The following CYRIA variants were observed in gnomAD, a reference collection of about 807,000 sequenced individuals.
CYRIA encodes CYFIP related Rac1 interactor A.
A neutral mutation model predicts 43.9 loss-of-function variants in CYRIA; 15 were observed. The observed-to-expected ratio is 0.34, with a 90% CI of 0.23 to 0.53. The LOEUF is 0.53. CYRIA is among the 20% of genes least tolerant of loss of function. The pLI is 0.94. For synonymous variants in CYRIA, 117 were observed against 136.0 expected (o/e 0.86, Z 0.97); for missense variants, 236 against 394.2 (o/e 0.60, Z 3.40).
intron 2 of CYRIA, among the ~76,000 whole-genome samples, chr2:16,615,739 C>G (rs1484987360): frequency 6.6e-6 from 1 of 152,246 alleles, no homozygotes; most frequent in Non-Finnish European, 1.5e-5. Context: ...AAATGCAATG[C>G]AAAAGCAGAG....
At chr2:16,626,410 A>T (rs569192474) in intron 1 of CYRIA, among the ~76,000 whole-genome samples, 1 of 152,250 alleles carries the variant, frequency 6.6e-6, no homozygotes, top group Admixed American at 6.5e-5. Flanking sequence ...TCCATGGACT[A>T]GCATTCAGTT....
At chr2:16,599,696 G>C (rs542581349) in intron 2 of CYRIA, among the ~76,000 whole-genome samples, 1 of 151,218 alleles carries the variant, frequency 6.6e-6, no homozygotes, top group African/African-American at 2.4e-5. Flanking sequence ...CGTCTTCTGC[G>C]TCACTCACGC....
intron 2 of CYRIA, among the ~76,000 whole-genome samples, chr2:16,607,881 G>A (rs1668463153): frequency 1.3e-5 from 2 of 152,180 alleles, no homozygotes; most frequent in South Asian, 2.1e-4. Context: ...ACAGGTGTGA[G>A]CCAGAGTGCC....
chr2:16,628,387 A>G, intron 1 of CYRIA, among the ~76,000 whole-genome samples: 1 of 152,106 alleles, frequency 6.6e-6, no homozygotes, highest in African/African-American at 2.4e-5. Context: ...CCCTGATCTC[A>G]CCTCAAAGCC....
intron 7 of CYRIA, 36 bp from the exon 8 acceptor site, chr2:16,561,313 G>T (rs761697957): frequency 6.5e-7 from 1 of 1,545,604 alleles, no homozygotes; most frequent in Non-Finnish European, 8.9e-7. Flanking sequence ...GATTTATAAA[G>T]AGAAAGTCCA....
chr2:16,665,067 C>T (rs1193634622), intron 1 of CYRIA, among the ~76,000 whole-genome samples: 2 of 152,178 alleles, frequency 1.3e-5, no homozygotes, highest in Non-Finnish European at 2.9e-5. Context: ...GACCCAGGGA[C>T]GGGCTGGCCC....
At chr2:16,581,311 T>C (rs1667541134) in intron 3 of CYRIA, among the ~76,000 whole-genome samples, 1 of 152,156 alleles carries the variant, frequency 6.6e-6, no homozygotes, top group South Asian at 2.1e-4. Flanking sequence ...TTTTCTTAAA[T>C]AGATAAGCAA....
At chr2:16,640,710 G>A (rs1172953435) in intron 1 of CYRIA, among the ~76,000 whole-genome samples, 2 of 152,320 alleles carry the variant, frequency 1.3e-5, no homozygotes, top group African/African-American at 4.8e-5. Flanking sequence ...GAGATTGGAG[G>A]CCAGAGATGA....
chr2:16,579,644 C>T (rs189785302), intron 3 of CYRIA, among the ~76,000 whole-genome samples: 7 of 151,892 alleles, frequency 4.6e-5, no homozygotes, highest in Admixed American at 6.6e-5. Context: ...AGATCACAAT[C>T]GTCTATATTA....
rs1244734602 is a variant in CYRIA, at chr2:16,563,862, G to T, written c.298+127C>A. ...TGACAAGAGTTGTTGCTCATAAATG[G>T]CCTCTCATTTGATACAGTGGATGGA... On this transcript the variant is annotated intron_variant, in intron 5 of 11. Transcript: ENST00000381323. 5.8e-5 allele frequency: 36 copies of T among 616,930 alleles called. No homozygotes were observed. In the Admixed American group the frequency reaches 1.2e-3, roughly 20 times the overall value. 38.2% of individuals were successfully genotyped at this position (616,930 alleles called of 1,614,324 possible).
intron 10 of CYRIA, among the ~76,000 whole-genome samples, chr2:16,556,625 T>TGGG (rs1223225506): frequency 2.0e-5 from 3 of 152,090 alleles, no homozygotes; most frequent in African/African-American, 7.2e-5. Context: ...GTTCAGGAGC[T>TGGG]GGGGGCTTTA....
chr2:16,652,192 T>G (rs1669993540), intron 1 of CYRIA, among the ~76,000 whole-genome samples: 1 of 152,168 alleles, frequency 6.6e-6, no homozygotes, highest in Non-Finnish European at 1.5e-5. Flanking sequence ...TTCCCTAACA[T>G]CTTCCCACAG....
chr2:16,653,753 A>T (rs1223500984), intron 1 of CYRIA, among the ~76,000 whole-genome samples: 2 of 152,216 alleles, frequency 1.3e-5, no homozygotes, highest in African/African-American at 4.8e-5. Context: ...GGGAAGGTTT[A>T]TGGCGAATGT....
chr2:16,617,568 G>T lies in CYRIA; in HGVS notation c.-11+6296C>A, dbSNP rs1572511109. Among the ~76,000 whole-genome samples the T allele has an allele frequency of 3.9e-5, 6 of 152,382 alleles. No individual in the cohort carries two copies. The South Asian group carries it at 1.2e-3, about 32-fold the overall frequency. ...CAGAGCTCTCAGCACAGGGCTGGTA[G>T]CTGCCTCATTAAGGCCTGCAGCCAG... On this transcript the variant is annotated intron_variant, in intron 2 of 11. Transcript: ENST00000381323.
At chr2:16,567,469 G>A (rs1448953245) in intron 3 of CYRIA, among the ~76,000 whole-genome samples, 1 of 152,110 alleles carries the variant, frequency 6.6e-6, no homozygotes. Flanking sequence ...CACAAGATAA[G>A]TGACGGCGAA....
At chr2:16,642,917 A>G (rs1028125408) in intron 1 of CYRIA, among the ~76,000 whole-genome samples, 13 of 151,840 alleles carry the variant, frequency 8.6e-5, no homozygotes, top group Non-Finnish European at 1.9e-4. Context: ...GTTCGGCTCC[A>G]TTTTTCCCAT....
intron 2 of CYRIA, among the ~76,000 whole-genome samples, chr2:16,615,914 C>T (rs1248784467): frequency 6.6e-6 from 1 of 152,196 alleles, no homozygotes; most frequent in Non-Finnish European, 1.5e-5. Context: ...AGGCGCCCTC[C>T]ACAGGCCCAG....
At chr2:16,622,703 C>A (rs774665396) in intron 2 of CYRIA, among the ~76,000 whole-genome samples, 1 of 152,188 alleles carries the variant, frequency 6.6e-6, no homozygotes, top group Non-Finnish European at 1.5e-5. Context: ...TGAGCCAACA[C>A]AGAGCACAGC....
rs1667706535 is a variant in CYRIA at position 16,585,753 on chromosome 2, A to T, written c.70+2297T>A. Among the ~76,000 whole-genome samples, 9 of 152,256 alleles carry T rather than the reference A, an allele frequency of 5.9e-5. No individual in the cohort carries two copies. The South Asian group carries it at 1.9e-3, about 32-fold the overall frequency. On this transcript the variant is annotated intron_variant, in intron 3 of 11. Transcript: ENST00000381323. Reference sequence around the variant, plus strand: ...AAATATTCAAAGTACCAGACTGGGCAAAGCAGAGTACTCTGGTAGTAGTGG... The same window carrying T: ...AAATATTCAAAGTACCAGACTGGGCTAAGCAGAGTACTCTGGTAGTAGTGG...
Sources: allele counts gnomAD v4.1 joint callset (sites outside exome capture counted in the v4.1 genomes callset), GRCh38; gene constraint gnomAD v4.1.1; transcripts MANE v1.5; gene names NCBI Gene and HGNC (gene_info 2026-07-23, HGNC 2026-07-21).